CLDN10: variants seen among roughly 807,000 people sequenced by gnomAD.
The protein encoded by CLDN10 is claudin 10.
CLDN10 carries 15 observed loss-of-function variants against 22.9 expected under a neutral mutation model. The observed-to-expected ratio is 0.65, with a 90% CI of 0.44 to 1.01. The LOEUF is 1.01. Among genes scored for constraint, CLDN10 ranks in the 50% least tolerant of loss-of-function variants. The pLI is 0.00. For synonymous variants in CLDN10, 114 were observed against 111.4 expected, an observed-to-expected ratio of 1.02 and a Z score of -0.15; for missense variants, 247 against 287.8, an observed-to-expected ratio of 0.86 and a Z score of 1.03.
chr13:95,475,740 T>C (rs2042679051), intron 1 of CLDN10, among the ~76,000 whole-genome samples: 1 of 152,116 alleles, frequency 6.6e-6, no homozygotes, highest in Non-Finnish European at 1.5e-5. Flanking sequence ...TATCCTCATG[T>C]GCTCTCATGA....
intron 1 of CLDN10, among the ~76,000 whole-genome samples, chr13:95,470,776 T>TA (rs2042622071): frequency 6.6e-6 from 1 of 152,184 alleles, no homozygotes; most frequent in South Asian, 2.1e-4. Flanking sequence ...TTGTCTCTGT[T>TA]ACTGATACCC....
chr13:95,523,787 T>A (rs1243210943), intron 1 of CLDN10, among the ~76,000 whole-genome samples: 1 of 152,132 alleles, frequency 6.6e-6, no homozygotes, highest in Admixed American at 6.6e-5. Flanking sequence ...TTTCTTGACT[T>A]TGGCACGCTT....
At chr13:95,561,986 G>C (rs1315166242) in intron 3 of CLDN10, among the ~76,000 whole-genome samples, 1 of 150,878 alleles carries the variant, frequency 6.6e-6, no homozygotes, top group Non-Finnish European at 1.5e-5. Context: ...CTGGAGTGCA[G>C]TGGTGCGATC....
Position 95,574,033 on chromosome 13 carries a change from C to A in CLDN10, c.465-3198C>A, listed in dbSNP as rs545004608. Among the ~76,000 whole-genome samples, 12 of 152,280 alleles carry A rather than the reference C, an allele frequency of 7.9e-5. No individual in the cohort carries two copies. In the South Asian group the frequency reaches 1.9e-3, roughly 24 times the overall value. Reference sequence around the variant, plus strand: ...ATGTTTTCCAGCTTCATCCATATCCCTGCAAAGGACATAAATTCATACTTT... The same window carrying A: ...ATGTTTTCCAGCTTCATCCATATCCATGCAAAGGACATAAATTCATACTTT... On this transcript the variant is annotated intron_variant, in intron 3 of 4. Coordinates refer to ENST00000299339, the MANE Select transcript of CLDN10 (RefSeq NM_006984.5).
At chr13:95,576,933 C>T (rs1412066615) in intron 3 of CLDN10, among the ~76,000 whole-genome samples, 2 of 152,170 alleles carry the variant, frequency 1.3e-5, no homozygotes, top group South Asian at 2.1e-4. Context: ...GTTAAGGCAG[C>T]GTGCAGAGGA....
chr13:95,515,911 T>C (rs1239125904), intron 1 of CLDN10, among the ~76,000 whole-genome samples: 1 of 151,942 alleles, frequency 6.6e-6, no homozygotes, highest in Non-Finnish European at 1.5e-5. Flanking sequence ...CCATCTCTAC[T>C]AAAAATACAA....
rs372832325 is a variant in CLDN10 at position 95,493,558 on chromosome 13, C to CTTTT, written c.214+59526_214+59529dup. Reference sequence around the variant, plus strand: ...TACCCTATATATTTGCCTACCCCCACTTTTTTTTTTTTTTTTTTGAGACAC... The same window carrying CTTTT: ...TACCCTATATATTTGCCTACCCCCACTTTTTTTTTTTTTTTTTTTTTTGAGACAC... On this transcript the variant is annotated intron_variant, in intron 1 of 4. Coordinates refer to the CLDN10 transcript ENST00000376873. Among the ~76,000 whole-genome samples the CTTTT allele has an allele frequency of 4.5e-5, 6 of 132,266 alleles. 1 individual carries two copies. Among genetic ancestry groups the CTTTT allele is most frequent in the African/African-American group, 8.5e-5 (3 of 35,308 alleles). 86.8% of individuals were successfully genotyped at this position (132,266 alleles called of 152,430 possible).
chr13:95,475,786 A>ATC (rs142207612), intron 1 of CLDN10, among the ~76,000 whole-genome samples: 2,520 of 121,822 alleles, frequency 0.021, 74 homozygotes, highest in African/African-American at 0.062. Flanking sequence ...GGGTCCCTGC[A>ATC]TCTCTCTCTC....
intron 3 of CLDN10, among the ~76,000 whole-genome samples, chr13:95,571,599 C>T (rs1213780719): frequency 6.6e-6 from 1 of 152,030 alleles, no homozygotes; most frequent in Non-Finnish European, 1.5e-5. Flanking sequence ...AGCGGGCACC[C>T]CACATAACTG....
intron 1 of CLDN10, among the ~76,000 whole-genome samples, chr13:95,488,079 G>T (rs9590287): frequency 4.0e-5 from 6 of 150,154 alleles, no homozygotes; most frequent in Non-Finnish European, 8.9e-5. Flanking sequence ...TCCACCTCCC[G>T]GGTTCAAGCA....
At chr13:95,439,948 C>G (rs900401616) in intron 1 of CLDN10, among the ~76,000 whole-genome samples, 5 of 150,702 alleles carry the variant, frequency 3.3e-5, no homozygotes, top group Non-Finnish European at 7.4e-5. Flanking sequence ...AAGTCTCGCT[C>G]TGTTGCCCAG....
At chr13:95,486,079 T>C (rs1473119259) in intron 1 of CLDN10, among the ~76,000 whole-genome samples, 1 of 152,216 alleles carries the variant, frequency 6.6e-6, no homozygotes, top group Non-Finnish European at 1.5e-5. Flanking sequence ...GTGGGGCATG[T>C]GCAGACAAGA....
At chr13:95,477,221 C>T (rs2042693250) in intron 1 of CLDN10, among the ~76,000 whole-genome samples, 3 of 152,106 alleles carry the variant, frequency 2.0e-5, no homozygotes, top group South Asian at 2.1e-4. Context: ...GAGAAGAGAA[C>T]GTGGCCAGAG....
chr13:95,579,125 A>C lies in CLDN10; in HGVS notation c.*1111A>C, dbSNP rs946315735. 6 of 152,160 alleles carry C rather than the reference A, an allele frequency of 3.9e-5. No individual in the cohort carries two copies. Among genetic ancestry groups the C allele is most frequent in the Non-Finnish European group, 8.8e-5 (6 of 68,046 alleles). The allele number at this position is 152,160 out of a possible 1,614,324, so 9.4% of individuals were successfully genotyped here. ...AAGGTGTGATTGGAAAAATTCAAAAAATTGCAACCTCAGGCATAAATGGGT... is the reference window on the plus strand; with the variant it reads ...AAGGTGTGATTGGAAAAATTCAAAACATTGCAACCTCAGGCATAAATGGGT... On this transcript the variant is annotated 3_prime_UTR_variant, in exon 5 of 5. Transcript: ENST00000299339.
At chr13:95,539,011 C>G (rs369191420) in intron 1 of CLDN10, among the ~76,000 whole-genome samples, 2 of 152,154 alleles carry the variant, frequency 1.3e-5, no homozygotes, top group African/African-American at 4.8e-5. Flanking sequence ...TCCCGAGTAG[C>G]TGGGTTTACA....
At chr13:95,449,900 C>T (rs142264287) in intron 1 of CLDN10, among the ~76,000 whole-genome samples, 6,800 of 152,156 alleles carry the variant, frequency 0.045, 417 homozygotes, top group East Asian at 0.2. Context: ...CCCGCCACCA[C>T]GCCCGGCTGA....
At chr13:95,499,616 G>A (rs965875667) in intron 1 of CLDN10, among the ~76,000 whole-genome samples, 3 of 152,142 alleles carry the variant, frequency 2.0e-5, no homozygotes, top group Admixed American at 6.5e-5. Context: ...GACAGGCACC[G>A]GGGCAGACTG....
At chr13:95,518,628 G>A (rs1964147) in intron 1 of CLDN10, among the ~76,000 whole-genome samples, 4,066 of 152,074 alleles carry the variant, frequency 0.027, 154 homozygotes, top group African/African-American at 0.091. Context: ...TGGTGGTGGC[G>A]CATGCCTGTA....
intron 1 of CLDN10, among the ~76,000 whole-genome samples, chr13:95,481,228 T>G (rs1159414819): frequency 6.6e-6 from 1 of 152,158 alleles, no homozygotes; most frequent in Non-Finnish European, 1.5e-5. Flanking sequence ...TGCAGACTCA[T>G]AATTTTAAAA....
Sources: allele counts gnomAD v4.1 joint callset (sites outside exome capture counted in the v4.1 genomes callset), GRCh38; gene constraint gnomAD v4.1.1; transcripts MANE v1.5; gene names NCBI Gene and HGNC (gene_info 2026-07-23, HGNC 2026-07-21).